DCBLD2: variants seen among roughly 807,000 people sequenced by gnomAD.
DCBLD2 encodes discoidin, CUB and LCCL domain containing 2.
A neutral mutation model predicts 86.8 loss-of-function variants in DCBLD2; 54 were observed. The ratio of observed to expected loss-of-function variants is 0.62; its 90% confidence interval spans 0.50 to 0.78. DCBLD2 has a LOEUF of 0.78. DCBLD2 is among the 30% of genes least tolerant of loss of function. DCBLD2 has a pLI of 0.00. For synonymous variants in DCBLD2, 354 were observed against 341.3 expected, an observed-to-expected ratio of 1.04 and a Z score of -0.41; for missense variants, 908 against 954.2, an observed-to-expected ratio of 0.95 and a Z score of 0.64.
intron 2 of DCBLD2, among the ~76,000 whole-genome samples, chr3:98,859,820 TC>T (rs1315266883): frequency 3.3e-5 from 5 of 151,780 alleles, no homozygotes; most frequent in African/African-American, 1.2e-4. Flanking sequence ...AGAGCACCTC[TC>T]CCCCCACAAA....
At chr3:98,900,849 G>A in intron 1 of DCBLD2, 1 of 522,796 alleles carries the variant, frequency 1.9e-6, no homozygotes. Context: ...TCCCCAGAAG[G>A]ACCTAATATC....
chr3:98,881,847 A>G, intron 1 of DCBLD2, 80 bp from the exon 2 acceptor site: 1 of 1,374,612 alleles, frequency 7.3e-7, no homozygotes, highest in Non-Finnish European at 1.0e-6. Context: ...TGAAGATTTA[A>G]AAATATGCAC....
At chr3:98,859,111 A>G (rs189787409) in intron 2 of DCBLD2, among the ~76,000 whole-genome samples, 33 of 152,322 alleles carry the variant, frequency 2.2e-4, no homozygotes, top group African/African-American at 7.5e-4. Flanking sequence ...TCCTACGCCA[A>G]CGGAGGCTCA....
chr3:98,900,310 T>C (rs1213980968), intron 1 of DCBLD2, among the ~76,000 whole-genome samples: 2 of 152,214 alleles, frequency 1.3e-5, no homozygotes, highest in African/African-American at 4.8e-5. Flanking sequence ...AATGGAAATA[T>C]CTTTTCAAAA....
chr3:98,834,326 A>G (rs1424505996), intron 3 of DCBLD2, among the ~76,000 whole-genome samples: 7 of 149,472 alleles, frequency 4.7e-5, no homozygotes, highest in Admixed American at 2.7e-4. Flanking sequence ...ATTCCCTTCT[A>G]GCTATTTCAA....
At chr3:98,820,671 C>T (rs930760744) in intron 6 of DCBLD2, 2 of 154,440 alleles carry the variant, frequency 1.3e-5, no homozygotes, top group African/African-American at 2.4e-5. Flanking sequence ...CAAATGCTTT[C>T]GATGAAAATA....
intron 1 of DCBLD2, among the ~76,000 whole-genome samples, chr3:98,890,188 T>C (rs1452143022): frequency 1.3e-5 from 2 of 152,052 alleles, no homozygotes. Flanking sequence ...TTTGCAAATG[T>C]AATCAAGTTA....
At chr3:98,803,807 T>G (rs1192506215) in intron 13 of DCBLD2, among the ~76,000 whole-genome samples, 1 of 152,222 alleles carries the variant, frequency 6.6e-6, no homozygotes, top group Non-Finnish European at 1.5e-5. Context: ...GATAATCATG[T>G]AGTGTTTGTC....
chr3:98,867,986 G>A (rs919227577), intron 2 of DCBLD2, among the ~76,000 whole-genome samples: 1 of 151,936 alleles, frequency 6.6e-6, no homozygotes, highest in African/African-American at 2.4e-5. Flanking sequence ...TGTATTTTCA[G>A]TAGAGACGGG....
chr3:98,857,964 G>GT (rs1408328311), intron 2 of DCBLD2, among the ~76,000 whole-genome samples: 1 of 152,240 alleles, frequency 6.6e-6, no homozygotes, highest in Non-Finnish European at 1.5e-5. Context: ...GTCCCGCGCC[G>GT]TGCGCCCGCA....
intron 1 of DCBLD2, among the ~76,000 whole-genome samples, chr3:98,893,879 C>A (rs1402747210): frequency 2.6e-5 from 4 of 152,190 alleles, no homozygotes; most frequent in African/African-American, 4.8e-5. Context: ...CTGTACAAAT[C>A]AGCTTTACAA....
Position 98,890,924 on chromosome 3 carries a change from G to A in DCBLD2, c.206-9157C>T, listed in dbSNP as rs554160616. Among the ~76,000 whole-genome samples, 18 of 152,154 alleles carry A rather than the reference G, an allele frequency of 1.2e-4. 1 individual carries two copies. Among genetic ancestry groups the A allele is most frequent in the African/African-American group, 4.3e-4 (18 of 41,518 alleles). On this transcript the variant is annotated intron_variant, in intron 1 of 15. Coordinates refer to ENST00000326840, the MANE Select transcript of DCBLD2 (RefSeq NM_080927.4). ...ATCTATATACATACTAAGCACTTTT[G>A]CTCAGAAGTTCCACTTCATTTGAAA...
At chr3:98,849,125 C>T (rs1431629722) in intron 3 of DCBLD2, among the ~76,000 whole-genome samples, 3 of 150,488 alleles carry the variant, frequency 2.0e-5, no homozygotes, top group Non-Finnish European at 4.4e-5. Context: ...GCCGAGATCA[C>T]ACCACTGCAC....
At chr3:98,838,155 C>CA (rs1942517694) in intron 3 of DCBLD2, among the ~76,000 whole-genome samples, 2 of 128,396 alleles carry the variant, frequency 1.6e-5, no homozygotes, top group Non-Finnish European at 3.5e-5. Flanking sequence ...TGACCCCCCC[C>CA]ACCTCCCTCC....
intron 14 of DCBLD2, chr3:98,801,180 A>G (rs1221627735): frequency 3.3e-5 from 8 of 240,198 alleles, no homozygotes; most frequent in Non-Finnish European, 6.4e-5. Context: ...ACAACTCATC[A>G]TGGGAGACCT....
chr3:98,861,049 A>C (rs1943033884), intron 2 of DCBLD2, among the ~76,000 whole-genome samples: 1 of 152,242 alleles, frequency 6.6e-6, no homozygotes, highest in African/African-American at 2.4e-5. Context: ...GCAAATGGAA[A>C]ACACAAAAAG....
rs56736194 is a variant in DCBLD2, at chr3:98,825,643, T to TTATATATATATATATATA, written c.572-295_572-278dup. ...TACACACATATATGTATATGTGTATTTATATATATATATATATATATATAT... is the reference window on the plus strand; with the variant it reads ...TACACACATATATGTATATGTGTATTTATATATATATATATATATATATATATATATATATATATATAT... On this transcript the variant is annotated intron_variant, in intron 3 of 15. Coordinates refer to ENST00000326840, the MANE Select transcript of DCBLD2 (RefSeq NM_080927.4). 3.1e-3 allele frequency among the ~76,000 whole-genome samples: 353 copies of TTATATATATATATATATA among 114,972 alleles called. 3 individuals carry two copies. The highest frequency in any genetic ancestry group is 6.0e-3 in the Admixed American group (56 of 9,356). 75.4% of individuals were successfully genotyped at this position (114,972 alleles called of 152,430 possible). A position where few individuals can be genotyped will look rare whatever the true frequency, so the allele number is the denominator to read the frequency against.
At chr3:98,869,475 T>C (rs565705761) in intron 2 of DCBLD2, among the ~76,000 whole-genome samples, 1 of 152,338 alleles carries the variant, frequency 6.6e-6, no homozygotes, top group East Asian at 1.9e-4. Flanking sequence ...TTTGTTGCAT[T>C]TGCTCTGTCT....
intron 4 of DCBLD2, among the ~76,000 whole-genome samples, chr3:98,823,557 C>T (rs1942160355): frequency 6.6e-6 from 1 of 152,124 alleles, no homozygotes; most frequent in Non-Finnish European, 1.5e-5. Flanking sequence ...ACAAATATTG[C>T]CCCTGTCCTC....
Sources: gnomAD v4.1 joint callset for allele counts (sites outside exome capture counted in the v4.1 genomes callset) on GRCh38, gnomAD v4.1.1 for gene constraint, MANE v1.5 for transcripts, NCBI Gene and HGNC (gene_info 2026-07-23, HGNC 2026-07-21) for gene names.